Variants in KIF20B observed in about 807,000 individuals in gnomAD.
The protein encoded by KIF20B is kinesin family member 20B.
KIF20B carries 188 observed loss-of-function variants against 232.5 expected under a neutral mutation model. That is an observed-to-expected ratio of 0.81 (90% CI 0.72 to 0.91). The LOEUF (loss-of-function observed/expected upper bound fraction) is 0.91, where lower values mean the gene tolerates loss of function less well. Among genes scored for constraint, KIF20B ranks in the 40% least tolerant of loss-of-function variants. KIF20B has a pLI of 0.00. For missense variants in KIF20B, 2,154 were observed against 2,055.9 expected, an observed-to-expected ratio of 1.05 and a Z score of -0.92; for synonymous variants, 712 against 683.0, an observed-to-expected ratio of 1.04 and a Z score of -0.66.
chr10:89,754,380 G>T lies in KIF20B; in HGVS notation c.4348-138G>T, dbSNP rs1441833312. On this transcript the variant is annotated intron_variant, in intron 25 of 32. Transcript: ENST00000371728. ...TATTTTTTAAATAATCTGAAGCTTT[G>T]ATCTTGTCATTGTTTAAAGTGAAAC... The T allele has an allele frequency of 3.7e-5, 16 of 430,902 alleles. No homozygotes were observed. In the East Asian group the frequency reaches 5.9e-4, roughly 16 times the overall value. 26.7% of individuals were successfully genotyped at this position (430,902 alleles called of 1,614,324 possible). A position where few individuals can be genotyped will look rare whatever the true frequency, so the allele number is the denominator to read the frequency against.
rs1842523806 is a variant in KIF20B, at chr10:89,774,217, T to C, written c.*169T>C. The C allele has an allele frequency of 2.5e-6, 1 of 393,226 alleles. No individual in the cohort carries two copies. The highest frequency in any genetic ancestry group is 4.6e-6 in the Non-Finnish European group (1 of 216,504). The allele number at this position is 393,226 out of a possible 1,614,324, so 24.4% of individuals were successfully genotyped here. On this transcript the variant is annotated 3_prime_UTR_variant, in exon 33 of 33. Coordinates refer to ENST00000371728, the MANE Select transcript of KIF20B (RefSeq NM_001284259.2). Reference sequence around the variant, plus strand: ...CAATAAATGAGTCAAAATTTGTATATTTTTATAAGGCTTTTTTATAATAGC... The same window carrying C: ...CAATAAATGAGTCAAAATTTGTATACTTTTATAAGGCTTTTTTATAATAGC...
rs28692479 is a variant in KIF20B, at chr10:89,704,582, A to G, written c.-1-712A>G. 8.4e-3 allele frequency among the ~76,000 whole-genome samples: 1,271 copies of G among 150,792 alleles called. 19 individuals are homozygous for G. The highest frequency in any genetic ancestry group is 0.029 in the African/African-American group (1,205 of 41,074). On this transcript the variant is annotated intron_variant, in intron 1 of 32. Transcript: ENST00000371728. ...TTGTTTTGTTTTTTTTTTTTGACGG[A>G]ATCTCACTCTGTCACCCAGGCTTGA...
rs1589854770 is a variant in KIF20B, at chr10:89,716,464, C to T, written c.969C>T (p.Ser323=). ...TACAATGGATTCAAGTATCTGATTC[C>T]AAAGAAGCCTATAGACTTTTAAAAC... is the stretch of plus-strand genomic sequence containing the variant. ...KDLQWIQVSD[S]KEAYRLLKLG... Residue 323 remains serine (S), a synonymous_variant, in exon 9 of 33, where the codon TCC becomes TCT. Transcript: ENST00000371728. 3 of 1,559,812 alleles carry T rather than the reference C, an allele frequency of 1.9e-6. No homozygotes were observed. The highest frequency in any genetic ancestry group is 1.9e-5 in the Admixed American group (1 of 52,718).
chr10:89,709,401 C>T lies in KIF20B; in HGVS notation c.291C>T (p.Ile97=). The T allele has an allele frequency of 6.2e-7, 1 of 1,613,552 alleles. No individual in the cohort carries two copies. Among genetic ancestry groups the T allele is most frequent in the Non-Finnish European group, 8.5e-7 (1 of 1,179,718 alleles). ...TTGTGCTGAAAGAGCCTCAATGCAT[C>T]CTTGGTCGGTTAAGTGAAAAAAGCT... The part of the protein sequence containing the change: ...QTVVLKEPQC[I]LGRLSEKSSG... The change falls in exon 4 of 33, where the codon ATC becomes ATT. Residue 97 remains isoleucine, a synonymous_variant. Coordinates refer to ENST00000371728, the MANE Select transcript of KIF20B (RefSeq NM_001284259.2).
chr10:89,707,136 T>C (rs1842739655), intron 2 of KIF20B, among the ~76,000 whole-genome samples: 1 of 152,182 alleles, frequency 6.6e-6, no homozygotes, highest in Admixed American at 6.5e-5. Context: ...TTTATAAACA[T>C]TTTATGTTAT....
At chr10:89,723,797 CAA>C in intron 13 of KIF20B, 165 bp from the exon 14 acceptor site, 1 of 607,732 alleles carries the variant, frequency 1.6e-6, no homozygotes, top group Non-Finnish European at 2.4e-6. Context: ...TTTCAGTTAA[CAA>C]ATCTTTGCAA....
intron 19 of KIF20B, among the ~76,000 whole-genome samples, chr10:89,734,500 T>A (rs1841601463): frequency 6.6e-6 from 1 of 152,206 alleles, no homozygotes; most frequent in Non-Finnish European, 1.5e-5. Context: ...CACATTATGG[T>A]AGTACCTGAG....
At chr10:89,738,663 C>T in intron 20 of KIF20B, 46 bp downstream of exon 20, 1 of 1,497,398 alleles carries the variant, frequency 6.7e-7, no homozygotes, top group Admixed American at 2.4e-5. Context: ...ACAAAGCATT[C>T]ATTTTGCTAT....
At chr10:89,762,107 G>A (rs771597324) in intron 28 of KIF20B, among the ~76,000 whole-genome samples, 1 of 152,146 alleles carries the variant, frequency 6.6e-6, no homozygotes, top group South Asian at 2.1e-4. Flanking sequence ...TTGAGGGTGA[G>A]TGTCCTGAAA....
Position 89,720,849 on chromosome 10 carries a change from G to T in KIF20B, c.1722+1143G>T, listed in dbSNP as rs529021399. ...GCCTCCTGAGTAGCTGGGAGTATAGGCATGCGTAACCATACCCAGTTAAGT... is the reference window on the plus strand; with the variant it reads ...GCCTCCTGAGTAGCTGGGAGTATAGTCATGCGTAACCATACCCAGTTAAGT... On this transcript the variant is annotated intron_variant, in intron 13 of 32. Coordinates refer to ENST00000371728, the MANE Select transcript of KIF20B (RefSeq NM_001284259.2). Among the ~76,000 whole-genome samples, 6 of 152,254 alleles carry T rather than the reference G, an allele frequency of 3.9e-5. No individual in the cohort carries two copies. In the East Asian group the frequency reaches 9.7e-4, roughly 25 times the overall value.
Position 89,709,935 on chromosome 10 carries a change from C to G in KIF20B, c.360C>G (p.Gly120=). Residue 120 remains glycine (G), a synonymous_variant, in exon 5 of 33, where the codon GGC becomes GGG. Transcript: ENST00000371728. ...AQKFSFSKVF[G]PATTQKEFFQ... ...AAAAAATGTTTGCTTAGGTTTTTGG[C>G]CCAGCAACTACACAGAAGGAATTCT... 3 of 1,570,654 alleles carry G rather than the reference C, an allele frequency of 1.9e-6. No homozygotes were observed. Among genetic ancestry groups the G allele is most frequent in the Non-Finnish European group, 2.6e-6 (3 of 1,163,768 alleles).
chr10:89,702,755 CTTTTT>C (rs11287823), intron 1 of KIF20B, among the ~76,000 whole-genome samples: 1 of 141,754 alleles, frequency 7.1e-6, no homozygotes, highest in African/African-American at 2.5e-5. Context: ...CTAGGACCGA[CTTTTT>C]TTTTTTTTTT....
Position 89,738,073 on chromosome 10 carries a change from A to G in KIF20B, c.3232A>G (p.Ile1078Val). 1 of 1,613,250 alleles carries G rather than the reference A, an allele frequency of 6.2e-7. No homozygotes were observed. Among genetic ancestry groups the G allele is most frequent in the Non-Finnish European group, 8.5e-7 (1 of 1,179,666 alleles). Reference protein sequence around the residue: ...VKASSKKSHQIEELEQQIEKL... With the variant: ...VKASSKKSHQVEELEQQIEKL... ...GGCCTCTTCCAAAAAAAGTCATCAGATTGAGGAACTGGAACAACAAATTGA... is the reference window on the plus strand; with the variant it reads ...GGCCTCTTCCAAAAAAAGTCATCAGGTTGAGGAACTGGAACAACAAATTGA... The change falls in exon 20 of 33, where the codon ATT (isoleucine) becomes GTT (valine). Residue 1078 changes from isoleucine (I) to valine (V), a missense_variant. By Grantham distance (29) the Ile-to-Val change is conservative. Transcript: ENST00000371728.
At chr10:89,732,313 G>T (rs1262831311) in intron 18 of KIF20B, among the ~76,000 whole-genome samples, 1 of 152,068 alleles carries the variant, frequency 6.6e-6, no homozygotes, top group African/African-American at 2.4e-5. Context: ...TGTAGAGACG[G>T]GTTCTCACTG....
At chr10:89,733,105 A>G in intron 19 of KIF20B, 49 bp downstream of exon 19, 1 of 1,599,992 alleles carries the variant, frequency 6.3e-7, no homozygotes, top group Non-Finnish European at 8.6e-7. Flanking sequence ...CTAATTTCTA[A>G]ACCAGTAAAT....
At position 89,710,951 on chromosome 10, in the gene KIF20B, C is replaced by T; in HGVS notation, c.491-10C>T. The T allele has an allele frequency of 1.3e-6, 2 of 1,595,856 alleles. No homozygotes were observed. Among genetic ancestry groups the T allele is most frequent in the Non-Finnish European group, 1.7e-6 (2 of 1,174,670 alleles). ...ACTGAGAGAGTATAACACAAAAATT[C>T]CTTTTGCAGGGACAGAAGAAAATAT... On this transcript the variant is annotated splice_polypyrimidine_tract_variant and intron_variant, in intron 5 of 32. Coordinates refer to ENST00000371728, the MANE Select transcript of KIF20B (RefSeq NM_001284259.2).
At chr10:89,741,415 G>A (rs1162295311) in intron 21 of KIF20B, among the ~76,000 whole-genome samples, 1 of 152,128 alleles carries the variant, frequency 6.6e-6, no homozygotes, top group Non-Finnish European at 1.5e-5. Flanking sequence ...GGTGGTTGAG[G>A]CTCCCTCCTC....
chr10:89,719,776 C>T, intron 13 of KIF20B, 70 bp downstream of exon 13: 4 of 1,279,994 alleles, frequency 3.1e-6, no homozygotes, highest in Non-Finnish European at 4.3e-6. Flanking sequence ...TCTTAAGGCT[C>T]TCTCTCTTCA....
Position 89,774,142 on chromosome 10 carries a change from A to T in KIF20B, c.*94A>T. On this transcript the variant is annotated 3_prime_UTR_variant, in exon 33 of 33. Transcript: ENST00000371728. ...AATATAAATGTATATATTATGCATTAAATCACTCTGCATATAGATTGCTGT... is the reference window on the plus strand; with the variant it reads ...AATATAAATGTATATATTATGCATTTAATCACTCTGCATATAGATTGCTGT... The T allele has an allele frequency of 3.1e-6, 2 of 653,448 alleles. No individual in the cohort carries two copies. Among genetic ancestry groups the T allele is most frequent in the Non-Finnish European group, 5.0e-6 (2 of 399,670 alleles). 40.5% of individuals were successfully genotyped at this position (653,448 alleles called of 1,614,324 possible).
Sources: allele counts gnomAD v4.1 joint callset (sites outside exome capture counted in the v4.1 genomes callset), GRCh38; gene constraint gnomAD v4.1.1; transcripts MANE v1.5; gene names NCBI Gene and HGNC (gene_info 2026-07-23, HGNC 2026-07-21).